Variants in SPG11 observed in about 807,000 individuals in gnomAD.
The protein encoded by SPG11 is SPG11 vesicle trafficking associated, spatacsin.
A neutral mutation model predicts 274.0 loss-of-function variants in SPG11; 222 were observed. That is an observed-to-expected ratio of 0.81 (90% confidence interval 0.73 to 0.91). SPG11 has a LOEUF of 0.91. Ranked by LOEUF, SPG11 falls within the 40% of genes least tolerant of loss-of-function variation. SPG11 has a pLI of 0.00. For synonymous variants in SPG11, 1,144 were observed against 1,039.7 expected (o/e 1.10, Z -1.93); for missense variants, 3,114 against 2,872.7 (o/e 1.08, Z -1.92).
chr15:44,589,191 T>C, intron 28 of SPG11, 61 bp downstream of exon 28: 1 of 1,570,806 alleles, frequency 6.4e-7, no homozygotes, highest in Non-Finnish European at 8.7e-7. Context: ...CCCTCTAAAG[T>C]ATTTTCAAGA....
At chr15:44,631,130 T>G (rs935595972) in intron 8 of SPG11, among the ~76,000 whole-genome samples, 3 of 152,148 alleles carry the variant, frequency 2.0e-5, no homozygotes, top group African/African-American at 7.2e-5. Context: ...AATTTAACAA[T>G]AAATTCTAGT....
At chr15:44,604,300 A>G in intron 20 of SPG11, 1 of 312,450 alleles carries the variant, frequency 3.2e-6, no homozygotes, top group Non-Finnish European at 6.5e-6. Flanking sequence ...AAACTGTCAC[A>G]TGCCCTATTT....
Position 44,584,106 on chromosome 15 carries a change from G to A in SPG11, c.5574C>T (p.Asn1858=). The change falls in exon 30 of 40, where the codon AAC becomes AAT. Residue 1858 remains asparagine, a synonymous_variant. Coordinates refer to ENST00000261866, the MANE Select transcript of SPG11 (RefSeq NM_025137.4). ...CGCATGTCTCTTTGGATGGAAGGCT[G>A]TTAAGTTCTAAGTATTTTGATGTGT... The part of the protein sequence containing the change: ...ALNTSKYLEL[N]SLPSKETCEN... 1.2e-6 allele frequency: 2 copies of A among 1,614,260 alleles called. No individual in the cohort carries two copies. The highest frequency in any genetic ancestry group is 1.1e-5 in the South Asian group (1 of 91,086).
At chr15:44,566,188 G>C (rs1390966385) in intron 37 of SPG11, 29 bp downstream of exon 37, 2 of 1,611,550 alleles carry the variant, frequency 1.2e-6, no homozygotes, top group Non-Finnish European at 1.7e-6. Context: ...CAAGTCCCAA[G>C]GCCAGTCTGA....
In SPG11 at chr15:44,615,376, G is replaced by A. The variant is rs768185835; in HGVS notation, c.3025C>T (p.Leu1009Phe). ...HSLQHLLYVY[L>F]DCYKLSPENC... is the part of the protein sequence containing the mutation. ...CTCAGTACTCACTTGTAACAGTCAAGGTAGACATAAAGAAGATGCTGCAGA... is the reference window on the plus strand; with the variant it reads ...CTCAGTACTCACTTGTAACAGTCAAAGTAGACATAAAGAAGATGCTGCAGA... The change falls in exon 16 of 40, where the codon CTT becomes TTT. Residue 1009 changes from leucine (L) to phenylalanine (F), a missense_variant. Leu to Phe is a conservative substitution (Grantham distance 22, BLOSUM62 0). Transcript: ENST00000261866. 3 of 1,613,572 alleles carry A rather than the reference G, an allele frequency of 1.9e-6. No individual in the cohort carries two copies. The highest frequency in any genetic ancestry group is 2.7e-5 in the African/African-American group (2 of 74,902).
intron 7 of SPG11, among the ~76,000 whole-genome samples, chr15:44,645,282 T>C (rs114742802): frequency 0.014 from 2,160 of 152,148 alleles, 49 homozygotes; most frequent in East Asian, 0.038. Context: ...CATAGACCAA[T>C]AGAACAGAAC....
At chr15:44,585,430 CAAAAAA>C (rs67858533) in intron 29 of SPG11, among the ~76,000 whole-genome samples, 200 bp downstream of exon 29, 67 of 97,262 alleles carry the variant, frequency 6.9e-4, no homozygotes, top group Admixed American at 1.6e-3. Context: ...ACTAAAAATA[CAAAAAA>C]AAAAAAAAAA....
At position 44,596,847 on chromosome 15, in the gene SPG11, G is replaced by A. The variant is rs766476741; in HGVS notation, c.4098C>T (p.Ala1366=). ...KLSISYLREC[A]KANDWLQFII... is the part of the protein sequence containing the mutation. ...TGAACTGCAGCCAATCATTTGCTTT[G>A]GCACATTCTCTAAGGTAAGATATGC... Residue 1366 remains alanine (A), a synonymous_variant, in exon 24 of 40, where the codon GCC becomes GCT. Transcript: ENST00000261866. 1.2e-6 allele frequency: 2 copies of A among 1,613,850 alleles called. No individual in the cohort carries two copies. The highest frequency in any genetic ancestry group is 1.1e-5 in the South Asian group (1 of 91,074).
At chr15:44,649,962 C>T (rs970134867) in intron 6 of SPG11, among the ~76,000 whole-genome samples, 2 of 151,528 alleles carry the variant, frequency 1.3e-5, no homozygotes, top group Non-Finnish European at 2.9e-5. Context: ...AATCCTGGAA[C>T]CTTTAATCAT....
intron 1 of SPG11, among the ~76,000 whole-genome samples, chr15:44,661,604 T>C (rs2085108990): frequency 6.6e-6 from 1 of 152,082 alleles, no homozygotes; most frequent in South Asian, 2.1e-4. Context: ...AGTATTAATA[T>C]GTCCTTATTA....
chr15:44,567,306 G>C (rs957050734), intron 36 of SPG11, 118 bp downstream of exon 36: 5 of 1,091,312 alleles, frequency 4.6e-6, no homozygotes, highest in South Asian at 1.4e-5. Context: ...AGCTGAGATC[G>C]TGCCACTGCA....
chr15:44,629,182 G>A (rs747880465), intron 9 of SPG11, 51 bp downstream of exon 9: 1 of 1,592,588 alleles, frequency 6.3e-7, no homozygotes, highest in Non-Finnish European at 8.6e-7. Flanking sequence ...ACTTGTATCT[G>A]TTCTGACACA....
chr15:44,578,887 G>A lies in SPG11; in HGVS notation c.5867-3846C>T, dbSNP rs183209951. Among the ~76,000 whole-genome samples, 719 of 152,156 alleles carry A rather than the reference G, an allele frequency of 4.7e-3. 6 individuals carry two copies. Among genetic ancestry groups the A allele is most frequent in the South Asian group, 0.036 (172 of 4,802 alleles). Reference sequence around the variant, plus strand: ...ATGTCCAGATGCAGCCAGTTGTGGCGGCTCATGCCTGTAATCCCAACACTT... The same window carrying A: ...ATGTCCAGATGCAGCCAGTTGTGGCAGCTCATGCCTGTAATCCCAACACTT... On this transcript the variant is annotated intron_variant, in intron 30 of 39. Transcript: ENST00000261866.
rs1188763826 is a variant in SPG11, at chr15:44,626,485, A to G, written c.2090T>C (p.Leu697Ser). 1 of 1,613,922 alleles carries G rather than the reference A, an allele frequency of 6.2e-7. No homozygotes were observed. Among genetic ancestry groups the G allele is most frequent in the South Asian group, 1.1e-5 (1 of 91,030 alleles). Residue 697 changes from leucine to serine, a missense_variant, in exon 11 of 40, where the codon TTA becomes TCA. Physicochemically the swap from Leu to Ser is moderately radical, Grantham distance 145. Coordinates refer to ENST00000261866, the MANE Select transcript of SPG11 (RefSeq NM_025137.4). ...CTGTGCCTCTGGTATTTTGTTGTTT[A>G]AAATGGCGCTGGCAATAACTTCCTA... ...SFEEVIASAI[L>S]NNKIPEAQTF...
intron 11 of SPG11, among the ~76,000 whole-genome samples, chr15:44,625,798 G>C (rs1454183474): frequency 6.6e-6 from 1 of 152,118 alleles, no homozygotes; most frequent in Non-Finnish European, 1.5e-5. Context: ...CCCTGCCTCA[G>C]CCTCCCCAGT....
chr15:44,565,134 C>G (rs923595834), intron 38 of SPG11, among the ~76,000 whole-genome samples: 1 of 152,156 alleles, frequency 6.6e-6, no homozygotes, highest in Non-Finnish European at 1.5e-5. Context: ...GGCTGATTCC[C>G]TGATAATCCA....
chr15:44,659,108 A>T lies in SPG11; in HGVS notation c.638T>A (p.Leu213His), dbSNP rs2085026770. Reference sequence around the variant, plus strand: ...CCAGCCTAAACTACTCAAAACAAAAAGAATTCCTCTGCAGAGCTGCGTGTC... The same window carrying T: ...CCAGCCTAAACTACTCAAAACAAAATGAATTCCTCTGCAGAGCTGCGTGTC... Reference protein sequence around the residue: ...IIDTQLCRGILFVLSSLGWIY... With the variant: ...IIDTQLCRGIHFVLSSLGWIY... The change falls in exon 3 of 40, where the codon CTT (leucine) becomes CAT (histidine). Residue 213 changes from leucine to histidine, a missense_variant. By Grantham distance (99) the Leu-to-His change is moderately conservative. Coordinates refer to ENST00000261866, the MANE Select transcript of SPG11 (RefSeq NM_025137.4). 6.2e-7 allele frequency: 1 copy of T among 1,614,124 alleles called. No individual in the cohort carries two copies. The highest frequency in any genetic ancestry group is 8.5e-7 in the Non-Finnish European group (1 of 1,180,052).
intron 30 of SPG11, among the ~76,000 whole-genome samples, chr15:44,583,205 G>A (rs2140945185): frequency 6.6e-6 from 1 of 152,330 alleles, no homozygotes; most frequent in Non-Finnish European, 1.5e-5. Flanking sequence ...CTGGCCGGGT[G>A]CGGTGGCTCA....
intron 15 of SPG11, among the ~76,000 whole-genome samples, chr15:44,617,555 C>T (rs1016274244): frequency 2.0e-5 from 3 of 152,212 alleles, no homozygotes; most frequent in Admixed American, 2.0e-4. Flanking sequence ...TGTTTCTAGG[C>T]TCACACTTCT....
Sources: allele counts gnomAD v4.1 joint callset (sites outside exome capture counted in the v4.1 genomes callset), GRCh38; gene constraint gnomAD v4.1.1; transcripts MANE v1.5; gene names NCBI Gene and HGNC (gene_info 2026-07-23, HGNC 2026-07-21).